Variants in PTP4A3 observed in about 807,000 individuals in gnomAD.
PTP4A3 encodes the protein protein tyrosine phosphatase 4A3, also known as protein tyrosine phosphatase type IVA 3.
A neutral mutation model predicts 15.2 loss-of-function variants in PTP4A3; 9 were observed. That is an observed-to-expected ratio of 0.59 (90% CI 0.36 to 1.03). PTP4A3 has a LOEUF of 1.03. Ranked by LOEUF, PTP4A3 falls within the 50% of genes least tolerant of loss-of-function variation. The pLI, the probability that PTP4A3 is intolerant of heterozygous loss-of-function variation, is 0.02. For missense variants in PTP4A3, 234 were observed against 252.1 expected, an observed-to-expected ratio of 0.93 and a Z score of 0.49; for synonymous variants, 95 against 102.0, an observed-to-expected ratio of 0.93 and a Z score of 0.41.
intron 5 of PTP4A3, 141 bp from the exon 6 acceptor site, chr8:141,430,786 A>T: frequency 1.4e-6 from 1 of 729,710 alleles, no homozygotes; most frequent in Non-Finnish European, 2.3e-6. Context: ...AGCCGTGCCA[A>T]GGCCCTGGGA....
chr8:141,400,428 G>A lies in PTP4A3; in HGVS notation c.-854+8344G>A, dbSNP rs59588823. Reference sequence around the variant, plus strand: ...GCTTCTGCTTCATTTCACAAGAACCGTGCCGGCCTCGGGTGCTGTTTTACA... The same window carrying A: ...GCTTCTGCTTCATTTCACAAGAACCATGCCGGCCTCGGGTGCTGTTTTACA... On this transcript the variant is annotated intron_variant, in intron 1 of 5. Coordinates refer to ENST00000521578, the MANE Select transcript of PTP4A3 (RefSeq NM_032611.3). Among the ~76,000 whole-genome samples, 681 of 152,342 alleles carry A rather than the reference G, an allele frequency of 4.5e-3. 5 individuals carry two copies. Among genetic ancestry groups the A allele is most frequent in the African/African-American group, 0.016 (653 of 41,574 alleles).
At chr8:141,415,572 G>T (rs1291173868) in intron 1 of PTP4A3, among the ~76,000 whole-genome samples, 1 of 138,552 alleles carries the variant, frequency 7.2e-6, no homozygotes, top group Non-Finnish European at 1.6e-5. Flanking sequence ...CCAGCCCCGC[G>T]CCCCCGCCTC....
chr8:141,408,573 G>A (rs922490639), intron 1 of PTP4A3, among the ~76,000 whole-genome samples: 4 of 151,090 alleles, frequency 2.6e-5, no homozygotes, highest in African/African-American at 7.3e-5. Context: ...AGCTGAGGTC[G>A]TGCCACTGCA....
intron 1 of PTP4A3, among the ~76,000 whole-genome samples, chr8:141,418,715 G>A (rs1833175102): frequency 6.6e-6 from 1 of 152,182 alleles, no homozygotes; most frequent in Admixed American, 6.5e-5. Context: ...TGGTGGGGGT[G>A]GTAGCGACTC....
chr8:141,409,898 G>A (rs528879595), intron 1 of PTP4A3, among the ~76,000 whole-genome samples: 5 of 152,374 alleles, frequency 3.3e-5, no homozygotes, highest in Admixed American at 6.5e-5. Flanking sequence ...GGCAGTGCCT[G>A]CCTGCCACCC....
chr8:141,405,827 G>A (rs1354262756), intron 1 of PTP4A3, among the ~76,000 whole-genome samples: 2 of 152,070 alleles, frequency 1.3e-5, no homozygotes, highest in African/African-American at 2.4e-5. Context: ...TGGTAAGAAG[G>A]GGCCAGCACC....
At chr8:141,392,797 T>A (rs1832327080) in intron 1 of PTP4A3, among the ~76,000 whole-genome samples, 1 of 152,124 alleles carries the variant, frequency 6.6e-6, no homozygotes, top group Admixed American at 6.5e-5. Context: ...ACCCTGCCGG[T>A]TCCCGGAGGG....
intron 1 of PTP4A3, among the ~76,000 whole-genome samples, chr8:141,414,697 T>C (rs1832971021): frequency 6.9e-6 from 1 of 143,916 alleles, no homozygotes; most frequent in African/African-American, 2.7e-5. Flanking sequence ...GGGTGGTGAG[T>C]TATGGCGCAG....
At chr8:141,411,185 C>G (rs1048642017) in intron 1 of PTP4A3, among the ~76,000 whole-genome samples, 11 of 152,322 alleles carry the variant, frequency 7.2e-5, no homozygotes, top group African/African-American at 2.4e-4. Flanking sequence ...TCTGCCCCCT[C>G]TTGATTGTTT....
chr8:141,411,501 C>T (rs1364008901), intron 1 of PTP4A3, among the ~76,000 whole-genome samples: 1 of 152,236 alleles, frequency 6.6e-6, no homozygotes, highest in Non-Finnish European at 1.5e-5. Flanking sequence ...CAGGCTGCGT[C>T]TCACCATCGG....
chr8:141,427,904 G>A (rs1310816906), intron 5 of PTP4A3, 80 bp downstream of exon 5: 2 of 1,339,128 alleles, frequency 1.5e-6, no homozygotes, highest in Non-Finnish European at 1.0e-6. Flanking sequence ...TGGCGGCATT[G>A]GCTGTGTGGT....
chr8:141,423,964 A>G (rs1309955233), intron 2 of PTP4A3, among the ~76,000 whole-genome samples: 2 of 148,342 alleles, frequency 1.3e-5, no homozygotes, highest in Non-Finnish European at 3.0e-5. Context: ...GTGTGTGACT[A>G]TCAAGGCTCA....
chr8:141,403,720 G>A (rs564992190), intron 1 of PTP4A3, among the ~76,000 whole-genome samples: 2 of 152,206 alleles, frequency 1.3e-5, no homozygotes, highest in African/African-American at 4.8e-5. Context: ...GAAGAGAATT[G>A]CTTCCCCAGC....
At chr8:141,428,841 C>T (rs1218378733) in intron 5 of PTP4A3, among the ~76,000 whole-genome samples, 2 of 152,240 alleles carry the variant, frequency 1.3e-5, no homozygotes, top group Non-Finnish European at 2.9e-5. Context: ...CAGGCACATA[C>T]AGACAAGCGG....
intron 1 of PTP4A3, among the ~76,000 whole-genome samples, chr8:141,419,246 TG>T (rs796322566): frequency 9.8e-5 from 15 of 152,292 alleles, no homozygotes; most frequent in African/African-American, 3.6e-4. Context: ...CTGGTGCCTG[TG>T]GGGTCTTCCT....
In PTP4A3 at chr8:141,394,043, G is replaced by A. The variant is rs79593196; in HGVS notation, c.-854+1959G>A. Among the ~76,000 whole-genome samples, 313 of 152,322 alleles carry A rather than the reference G, an allele frequency of 2.1e-3. 8 individuals are homozygous for A. The East Asian group carries it at 0.056, about 27-fold the overall frequency. On this transcript the variant is annotated intron_variant, in intron 1 of 5. Coordinates refer to ENST00000521578, the MANE Select transcript of PTP4A3 (RefSeq NM_032611.3). ...GAGGTGCACACAGTCAGACTGAGAG[G>A]GGGGCATAAGCTGGTGTGAGCCCTC...
At chr8:141,424,735 C>T (rs1258087842) in intron 2 of PTP4A3, among the ~76,000 whole-genome samples, 1 of 152,070 alleles carries the variant, frequency 6.6e-6, no homozygotes, top group Non-Finnish European at 1.5e-5. Context: ...GGACCTAGGA[C>T]AGGCTCTTCG....
chr8:141,416,158 A>G (rs561479245), intron 1 of PTP4A3, among the ~76,000 whole-genome samples: 3 of 152,214 alleles, frequency 2.0e-5, no homozygotes, highest in African/African-American at 7.2e-5. Context: ...TGGTTGTAGC[A>G]TCACAGAGCT....
intron 5 of PTP4A3, among the ~76,000 whole-genome samples, chr8:141,429,379 C>G (rs1471306153): frequency 6.6e-6 from 1 of 152,262 alleles, no homozygotes; most frequent in African/African-American, 2.4e-5. Flanking sequence ...GGGCAGCCCC[C>G]GCCCCTCAAC....
Sources: allele counts gnomAD v4.1 joint callset (sites outside exome capture counted in the v4.1 genomes callset), GRCh38; gene constraint gnomAD v4.1.1; transcripts MANE v1.5; gene names NCBI Gene and HGNC (gene_info 2026-07-23, HGNC 2026-07-21).